Variants in AP3B2 observed in about 807,000 individuals in gnomAD.
AP3B2 encodes the protein AP-3 complex subunit beta-2.
Under a neutral mutation model 126.9 loss-of-function variants are expected in AP3B2, and 50 were observed. That is an observed-to-expected ratio of 0.39 (90% confidence interval 0.31 to 0.50). The LOEUF is 0.50. AP3B2 is among the 20% of genes least tolerant of loss of function. AP3B2 has a pLI of 0.79. For synonymous variants in AP3B2, 541 were observed against 565.0 expected, an observed-to-expected ratio of 0.96 and a Z score of 0.60; for missense variants, 1,177 against 1,426.4, an observed-to-expected ratio of 0.83 and a Z score of 2.82.
At chr15:82,692,267 C>T (rs534395485) in intron 1 of AP3B2, 8 of 825,540 alleles carry the variant, frequency 9.7e-6, no homozygotes, top group African/African-American at 8.8e-5. Context: ...TCTTGCGGAT[C>T]CGGCCGTACT....
At chr15:82,671,443 A>G (rs1038619733) in intron 14 of AP3B2, among the ~76,000 whole-genome samples, 2 of 152,152 alleles carry the variant, frequency 1.3e-5, no homozygotes, top group African/African-American at 4.8e-5. Context: ...AGGTTCCTTA[A>G]AAAACTAAAC....
intron 1 of AP3B2, among the ~76,000 whole-genome samples, chr15:82,706,495 A>G (rs946313068): frequency 2.0e-5 from 3 of 152,198 alleles, no homozygotes; most frequent in African/African-American, 7.2e-5. Flanking sequence ...TGCAAGGGCC[A>G]TCAAAAGGCA....
chr15:82,663,081 G>T, intron 22 of AP3B2, 46 bp downstream of exon 22: 2 of 1,539,610 alleles, frequency 1.3e-6, no homozygotes, highest in South Asian at 1.2e-5. Flanking sequence ...TGCAGCACAG[G>T]GATGTGTCCC....
chr15:82,688,677 C>A (rs749030843), intron 4 of AP3B2, 59 bp downstream of exon 4: 25 of 1,478,970 alleles, frequency 1.7e-5, no homozygotes, highest in East Asian at 2.4e-5. Flanking sequence ...CCCAGGCCTA[C>A]TCCTCCGATA....
At position 82,665,394 on chromosome 15, in the gene AP3B2, C is replaced by G. The variant is rs1222360287; in HGVS notation, c.1971+63G>C. The G allele has an allele frequency of 1.2e-5, 3 of 254,136 alleles. No individual in the cohort carries two copies. The highest frequency in any genetic ancestry group is 8.7e-5 in the Admixed American group (1 of 11,546). 15.7% of individuals were successfully genotyped at this position (254,136 alleles called of 1,614,324 possible). On this transcript the variant is annotated intron_variant, in intron 16 of 26. Coordinates refer to ENST00000535359, the MANE Select transcript of AP3B2 (RefSeq NM_001278512.2). The surrounding 1 kb of genome is among the most constrained non-coding windows in gnomAD (Gnocchi z 4.4). The stretch of plus-strand genomic sequence containing the variant: ...CCCCACCAACACACACACACACACA[C>G]ACACACACACACACACACACACACA...
intron 1 of AP3B2, among the ~76,000 whole-genome samples, chr15:82,701,239 T>C (rs1379476772): frequency 6.6e-6 from 1 of 152,140 alleles, no homozygotes; most frequent in Non-Finnish European, 1.5e-5. Context: ...CCCAGGCTAG[T>C]CCTCCCACCC....
At chr15:82,688,295 G>C in intron 4 of AP3B2, 1 of 632,742 alleles carries the variant, frequency 1.6e-6, no homozygotes, top group Non-Finnish European at 2.8e-6. Context: ...CCAACTAGAG[G>C]CCTTGGGCAA....
rs1267213822 is a variant in AP3B2 at position 82,709,745 on chromosome 15, G to A, written c.-39C>T. 4.9e-6 allele frequency: 7 copies of A among 1,425,798 alleles called. No individual in the cohort carries two copies. The highest frequency in any genetic ancestry group is 6.5e-6 in the Non-Finnish European group (7 of 1,081,620). The allele number at this position is 1,425,798 out of a possible 1,614,324, so 88.3% of individuals were successfully genotyped here. A position where few individuals can be genotyped will look rare whatever the true frequency, so the allele number is the denominator to read the frequency against. ...AGACTTCGCCGAGGAGGAGGTTGCG[G>A]GGCCGGAGGCCGGCTGGAGCGGAGG... On this transcript the variant is annotated 5_prime_UTR_variant, in exon 1 of 27. Transcript: ENST00000535359.
intron 1 of AP3B2, chr15:82,692,306 G>A: frequency 1.3e-5 from 8 of 633,750 alleles, no homozygotes; most frequent in Non-Finnish European, 2.1e-5. Flanking sequence ...CGTCCTTCTC[G>A]CGCACGTTGG....
intron 14 of AP3B2, among the ~76,000 whole-genome samples, chr15:82,674,886 T>C (rs544241616): frequency 6.6e-6 from 1 of 151,814 alleles, no homozygotes; most frequent in East Asian, 1.9e-4. Context: ...TAGCTCACAG[T>C]GACAACTTGG....
chr15:82,700,415 T>TTTTTTTTTTTTTTTTTTTTC lies in AP3B2; in HGVS notation c.113+9178_113+9179insGAAAAAAAAAAAAAAAAAAA, dbSNP rs58240249. The stretch of plus-strand genomic sequence containing the variant: ...TGGGTGGCTTTTTTTTTTTTTTTTT[T>TTTTTTTTTTTTTTTTTTTTC]CAGATGGAGTTTCACTCTTATTGCC... On this transcript the variant is annotated intron_variant, in intron 1 of 26. Coordinates refer to ENST00000535359, the MANE Select transcript of AP3B2 (RefSeq NM_001278512.2). 2.6e-4 allele frequency among the ~76,000 whole-genome samples: 34 copies of TTTTTTTTTTTTTTTTTTTTC among 133,248 alleles called. 4 individuals are homozygous for TTTTTTTTTTTTTTTTTTTTC. Among genetic ancestry groups the TTTTTTTTTTTTTTTTTTTTC allele is most frequent in the Non-Finnish European group, 4.5e-4 (28 of 62,798 alleles). 87.4% of individuals were successfully genotyped at this position (133,248 alleles called of 152,430 possible).
At chr15:82,677,578 G>A (rs999436780) in intron 12 of AP3B2, 93 bp downstream of exon 12, 3 of 1,453,472 alleles carry the variant, frequency 2.1e-6, no homozygotes, top group Non-Finnish European at 2.8e-6. Context: ...ATTGTGTCTA[G>A]GCAGACTGGT....
At chr15:82,706,721 T>C (rs961944505) in intron 1 of AP3B2, among the ~76,000 whole-genome samples, 2 of 152,186 alleles carry the variant, frequency 1.3e-5, no homozygotes, top group Non-Finnish European at 2.9e-5. Context: ...CACAGGCCCA[T>C]TCTATTCTTT....
intron 1 of AP3B2, among the ~76,000 whole-genome samples, chr15:82,700,326 A>G (rs1162152902): frequency 7.0e-6 from 1 of 143,308 alleles, no homozygotes; most frequent in African/African-American, 2.6e-5. Flanking sequence ...CTATCCCTCC[A>G]ACTGCTCTCA....
At chr15:82,676,388 G>A (rs1233484574) in intron 14 of AP3B2, 73 bp downstream of exon 14, 1 of 1,493,748 alleles carries the variant, frequency 6.7e-7, no homozygotes. Flanking sequence ...CCTGCCTAGG[G>A]AGGGCCAAAA....
Position 82,665,450 on chromosome 15 carries a change from C to G in AP3B2, c.1971+7G>C. 3 of 1,606,616 alleles carry G rather than the reference C, an allele frequency of 1.9e-6. No individual in the cohort carries two copies. The highest frequency in any genetic ancestry group is 2.6e-6 in the Non-Finnish European group (3 of 1,174,660). The stretch of plus-strand genomic sequence containing the variant: ...ACACACACACTTCAACCCTCCACCC[C>G]GCTGACCTCCACGTTGCGCACAGAT... On this transcript the variant is annotated splice_region_variant and intron_variant, in intron 16 of 26. Coordinates refer to ENST00000535359, the MANE Select transcript of AP3B2 (RefSeq NM_001278512.2). The surrounding 1 kb of genome is among the most constrained non-coding windows in gnomAD (Gnocchi z 4.4).
At position 82,706,768 on chromosome 15, in the gene AP3B2, C is replaced by A. The variant is rs576584132; in HGVS notation, c.113+2826G>T. ...AACCTCTTCCATGTAGGTTACAAGCCGCTAGCCTGCCTCTTAGAACCTCTC... is the reference window on the plus strand; with the variant it reads ...AACCTCTTCCATGTAGGTTACAAGCAGCTAGCCTGCCTCTTAGAACCTCTC... On this transcript the variant is annotated intron_variant, in intron 1 of 26. Coordinates refer to ENST00000535359, the MANE Select transcript of AP3B2 (RefSeq NM_001278512.2). 2.0e-5 allele frequency among the ~76,000 whole-genome samples: 3 copies of A among 152,180 alleles called. No individual in the cohort carries two copies. In the South Asian group the frequency reaches 6.2e-4, roughly 32 times the overall value.
In AP3B2 at chr15:82,680,105, C is replaced by G. The variant is rs967005098; in HGVS notation, c.1110+70G>C. On this transcript the variant is annotated intron_variant, in intron 9 of 26. Transcript: ENST00000535359. The surrounding 1 kb of genome is among the most constrained non-coding windows in gnomAD (Gnocchi z 6.1). Reference sequence around the variant, plus strand: ...CCTTTCCCCGGCCCCGGTCCCAGCCCCGACAACGCCTCCAGTGCCCGCAGA... The same window carrying G: ...CCTTTCCCCGGCCCCGGTCCCAGCCGCGACAACGCCTCCAGTGCCCGCAGA... 45 of 1,596,966 alleles carry G rather than the reference C, an allele frequency of 2.8e-5. No individual in the cohort carries two copies. Among genetic ancestry groups the G allele is most frequent in the Non-Finnish European group, 3.7e-5 (43 of 1,170,722 alleles).
intron 1 of AP3B2, chr15:82,699,768 C>G: frequency 2.5e-6 from 1 of 399,266 alleles, no homozygotes; most frequent in Non-Finnish European, 4.4e-6. Flanking sequence ...GGAGTGGGGG[C>G]CCACCTTCGG....
Sources: gnomAD v4.1 joint callset for allele counts (sites outside exome capture counted in the v4.1 genomes callset) on GRCh38, gnomAD v4.1.1 for gene constraint, Gnocchi (gnomAD v3.1) non-coding constraint, MANE v1.5 for transcripts, NCBI Gene and HGNC (gene_info 2026-07-23, HGNC 2026-07-21) for gene names.